KCNN4: variants seen among roughly 807,000 people sequenced by gnomAD.
The protein encoded by KCNN4 is potassium calcium-activated channel subfamily N member 4, also known as intermediate conductance calcium-activated potassium channel protein 4.
Under a neutral mutation model 45.2 loss-of-function variants are expected in KCNN4, and 31 were observed. The observed-to-expected ratio is 0.69, with a 90% confidence interval of 0.52 to 0.92. The LOEUF is 0.92. KCNN4 is among the 40% of genes least tolerant of loss of function. The probability of loss-of-function intolerance (pLI) is 0.00; values close to 1 mark genes in which losing one functional copy is unlikely to be tolerated. For missense variants in KCNN4, 463 were observed against 574.0 expected, an observed-to-expected ratio of 0.81 and a Z score of 1.98; for synonymous variants, 231 against 254.6, an observed-to-expected ratio of 0.91 and a Z score of 0.88.
At chr19:43,775,880 A>C (rs1293834313) in intron 2 of KCNN4, among the ~76,000 whole-genome samples, 2 of 151,996 alleles carry the variant, frequency 1.3e-5, no homozygotes, top group African/African-American at 4.8e-5. Flanking sequence ...TAATCCTAGC[A>C]CTTTGGGAGG....
Position 43,769,705 on chromosome 19 carries a change from T to C in KCNN4, c.930+14A>G. 1.9e-6 allele frequency: 3 copies of C among 1,602,626 alleles called. No homozygotes were observed. The Admixed American group carries it at 5.0e-5, about 27-fold the overall frequency. ...GAAGAGGGGTGTCCCATGGGTGCCA[T>C]ATGCCCATCTCACCTCTTTGGTATA... On this transcript the variant is annotated intron_variant, in intron 5 of 8. Coordinates refer to ENST00000648319, the MANE Select transcript of KCNN4 (RefSeq NM_002250.3). The surrounding 1 kb of genome is among the most constrained non-coding windows in gnomAD (Gnocchi z 4.4).
At chr19:43,780,123 C>G (rs1242874883) in intron 1 of KCNN4, among the ~76,000 whole-genome samples, 4 of 152,072 alleles carry the variant, frequency 2.6e-5, no homozygotes, top group Admixed American at 2.0e-4. Context: ...CTGGGGCTAC[C>G]TCTCCCCTTA....
intron 4 of KCNN4, among the ~76,000 whole-genome samples, chr19:43,770,783 C>G (rs1314354802): frequency 6.6e-6 from 1 of 152,214 alleles, no homozygotes; most frequent in Non-Finnish European, 1.5e-5. Context: ...TATGGCCCAA[C>G]CATGCCATGG....
Position 43,774,268 on chromosome 19 carries a change from G to A in KCNN4, c.607C>T (p.His203Tyr), listed in dbSNP as rs1969728174. 1 of 1,612,742 alleles carries A rather than the reference G, an allele frequency of 6.2e-7. No homozygotes were observed. Among genetic ancestry groups the A allele is most frequent in the African/African-American group, 1.3e-5 (1 of 74,908 alleles). ...AGGCCGAGCAGCAGGCGGCCAGGGT[G>A]CGTGTTCATGTAAAGCTTGGCCACG... ...WFVAKLYMNTHPGRLLLGLTL... is the reference protein window; with the variant it reads ...WFVAKLYMNTYPGRLLLGLTL... The change falls in exon 3 of 9, where the codon CAC becomes TAC. Residue 203 changes from histidine to tyrosine, a missense_variant. By Grantham distance (83) the His-to-Tyr change is moderately conservative. Around this residue, in one of 3 missense-constraint regions of KCNN4, gnomAD observed 109 missense variants for 183.7 expected, o/e 0.59. Transcript: ENST00000648319. This position sits in a 1 kb window ranked among gnomAD's most constrained non-coding sequence, Gnocchi z 5.6.
chr19:43,770,221 T>C (rs1568390994), intron 4 of KCNN4, among the ~76,000 whole-genome samples: 1 of 151,938 alleles, frequency 6.6e-6, no homozygotes, highest in Non-Finnish European at 1.5e-5. Flanking sequence ...CTGTCTTCTC[T>C]CTCCTGGACC....
At position 43,772,013 on chromosome 19, in the gene KCNN4, C is replaced by T; in HGVS notation, c.806G>A (p.Cys269Tyr). ...GTMWGKIVCL[C>Y]TGVMGVCCTA... ...AGCTGTACTCACCATGACTCCAGTG[C>T]ACAGGCAGACGATCTTGCCCCACAT... The change falls in exon 4 of 9, where the codon TGC becomes TAC. Residue 269 changes from cysteine (C) to tyrosine (Y), a missense_variant. Physicochemically the swap from Cys to Tyr is radical, Grantham distance 194. This residue lies in a region of KCNN4 where 109 missense variants were observed against 183.7 expected (regional missense o/e 0.59). Transcript: ENST00000648319. This position sits in a 1 kb window ranked among gnomAD's most constrained non-coding sequence, Gnocchi z 4.4. 6.2e-7 allele frequency: 1 copy of T among 1,611,508 alleles called. No homozygotes were observed.
chr19:43,779,743 C>A (rs529445841), intron 1 of KCNN4, among the ~76,000 whole-genome samples: 9 of 152,150 alleles, frequency 5.9e-5, no homozygotes, highest in Non-Finnish European at 1.3e-4. Flanking sequence ...GGAGTCAGCC[C>A]CTCTTCCCCA....
intron 1 of KCNN4, among the ~76,000 whole-genome samples, chr19:43,780,104 TCAC>T (rs1454522483): frequency 6.6e-6 from 1 of 151,942 alleles, no homozygotes; most frequent in African/African-American, 2.4e-5. Context: ...CACTCTCCCT[TCAC>T]CAAACCTGGG....
Position 43,772,279 on chromosome 19 carries a change from A to T in KCNN4, c.684-144T>A. The T allele has an allele frequency of 1.1e-6, 1 of 877,524 alleles. No homozygotes were observed. 54.4% of individuals were successfully genotyped at this position (877,524 alleles called of 1,614,324 possible). A position where few individuals can be genotyped will look rare whatever the true frequency, so the allele number is the denominator to read the frequency against. ...GTATACACCCATAGTCCTAAGAATC[A>T]CCTGGACAAAAAGCCATTAAGTTCT... is the stretch of plus-strand genomic sequence containing the variant. On this transcript the variant is annotated intron_variant, in intron 3 of 8. Transcript: ENST00000648319. This position sits in a 1 kb window ranked among gnomAD's most constrained non-coding sequence, Gnocchi z 4.4.
Position 43,772,203 on chromosome 19 carries a change from C to T in KCNN4, c.684-68G>A, listed in dbSNP as rs1236810922. ...GTTTCCATGATATTCACTCCCCTTC[C>T]CTCTATACCCTCCCATCCCCTTCCC... On this transcript the variant is annotated intron_variant, in intron 3 of 8. Transcript: ENST00000648319. The surrounding 1 kb of genome is among the most constrained non-coding windows in gnomAD (Gnocchi z 4.4). 3.2e-6 allele frequency: 5 copies of T among 1,563,988 alleles called. No homozygotes were observed. The highest frequency in any genetic ancestry group is 4.4e-6 in the Non-Finnish European group (5 of 1,148,402).
Position 43,780,417 on chromosome 19 carries a change from A to AG in KCNN4, c.159+285dup, listed in dbSNP as rs1340907374. On this transcript the variant is annotated intron_variant, in intron 1 of 8. Coordinates refer to ENST00000648319, the MANE Select transcript of KCNN4 (RefSeq NM_002250.3). ...CCTCCTCCCTCAGACCCAGGAGTCC[A>AG]GACCCCAGCCCCTCCTCCCTCAGAC... 2.3e-3 allele frequency among the ~76,000 whole-genome samples: 104 copies of AG among 44,952 alleles called. 1 individual carries two copies. The highest frequency in any genetic ancestry group is 5.2e-3 in the Admixed American group (19 of 3,688). 29.5% of individuals were successfully genotyped at this position (44,952 alleles called of 152,430 possible). A position where few individuals can be genotyped will look rare whatever the true frequency, so the allele number is the denominator to read the frequency against.
chr19:43,767,798 A>AAGGATGTGG, intron 7 of KCNN4, 91 bp from the exon 8 acceptor site: 5 of 1,460,968 alleles, frequency 3.4e-6, no homozygotes, highest in Non-Finnish European at 4.7e-6. Flanking sequence ...TATTGACCAC[A>AAGGATGTGG]TCCTTATGGT....
chr19:43,769,127 A>G lies in KCNN4; in HGVS notation c.1050-95T>C. On this transcript the variant is annotated intron_variant, in intron 6 of 8. Coordinates refer to ENST00000648319, the MANE Select transcript of KCNN4 (RefSeq NM_002250.3). The surrounding 1 kb of genome is among the most constrained non-coding windows in gnomAD (Gnocchi z 4.4). ...ATGAAGGGAGGAGAGGCACATGAAG[A>G]AACAAAACAAAGAAACAAAGTTGTC... 7.4e-7 allele frequency: 1 copy of G among 1,346,654 alleles called. No homozygotes were observed. Among genetic ancestry groups the G allele is most frequent in the Admixed American group, 1.7e-5 (1 of 58,584 alleles). 83.4% of individuals were successfully genotyped at this position (1,346,654 alleles called of 1,614,324 possible).
chr19:43,770,046 C>A (rs992287910), intron 4 of KCNN4, among the ~76,000 whole-genome samples: 4 of 152,182 alleles, frequency 2.6e-5, no homozygotes, highest in African/African-American at 9.7e-5. Context: ...TTCACACCCT[C>A]AGGGTGGCCT....
Position 43,767,555 on chromosome 19 carries a change from C to T in KCNN4, c.1272G>A (p.Gln424=), listed in dbSNP as rs1969515944. The change falls in exon 8 of 9, where the codon CAG becomes CAA. Residue 424 remains glutamine, a synonymous_variant. Transcript: ENST00000648319. The part of the protein sequence containing the change: ...LGPRQLPEPS[Q]QSK Reference sequence around the variant, plus strand: ...GCCCCCTCACCAGCTACTTGGACTGCTGGCTGGGTTCTGGAAGCTGCCTCG... The same window carrying T: ...GCCCCCTCACCAGCTACTTGGACTGTTGGCTGGGTTCTGGAAGCTGCCTCG... The T allele has an allele frequency of 1.2e-6, 2 of 1,613,610 alleles. No homozygotes were observed. The highest frequency in any genetic ancestry group is 4.5e-5 in the East Asian group (2 of 44,892).
At chr19:43,779,080 C>T (rs1685191) in intron 1 of KCNN4, among the ~76,000 whole-genome samples, 87,389 of 151,900 alleles carry the variant, frequency 0.58, 25,413 homozygotes, top group East Asian at 0.79. Flanking sequence ...TATTTTAACC[C>T]TCACCCCAAT....
At chr19:43,776,697 A>G in intron 1 of KCNN4, 61 bp from the exon 2 acceptor site, 1 of 1,066,914 alleles carries the variant, frequency 9.4e-7, no homozygotes, top group Admixed American at 1.9e-5. Flanking sequence ...CTGGCCCTCC[A>G]CCTTTCCTTC....
intron 1 of KCNN4, among the ~76,000 whole-genome samples, chr19:43,778,569 A>G (rs1445400270): frequency 1.3e-5 from 2 of 152,044 alleles, no homozygotes; most frequent in African/African-American, 4.8e-5. Context: ...CTGTGTGTGT[A>G]TCTCTCACTG....
chr19:43,773,192 G>T (rs1352963315), intron 3 of KCNN4, among the ~76,000 whole-genome samples: 1 of 152,266 alleles, frequency 6.6e-6, no homozygotes, highest in African/African-American at 2.4e-5. Flanking sequence ...AGCCACTAGG[G>T]AGGCTGAGGC....
Sources: gnomAD v4.1 joint callset for allele counts (sites outside exome capture counted in the v4.1 genomes callset) on GRCh38, gnomAD v4.1.1 for gene constraint, gnomAD v4.1.1 regional missense constraint, Gnocchi (gnomAD v3.1) non-coding constraint, MANE v1.5 for transcripts, NCBI Gene and HGNC (gene_info 2026-07-23, HGNC 2026-07-21) for gene names.